The following ROBO1 variants were observed in gnomAD, a reference collection of about 807,000 sequenced individuals.
ROBO1 encodes the protein roundabout guidance receptor 1.
Under a neutral mutation model 195.9 loss-of-function variants are expected in ROBO1, and 149 were observed. The ratio of observed to expected loss-of-function variants is 0.76; its 90% CI spans 0.67 to 0.87. The LOEUF is 0.87. Ranked by LOEUF, ROBO1 falls within the 40% of genes least tolerant of loss-of-function variation. The pLI is 0.00. For missense variants in ROBO1, 1,933 were observed against 2,068.3 expected (o/e 0.93, Z 1.27); for synonymous variants, 816 against 733.2 (o/e 1.11, Z -1.82).
intron 2 of ROBO1, among the ~76,000 whole-genome samples, chr3:79,268,557 T>C (rs1006986994): frequency 2.5e-4 from 38 of 151,612 alleles, no homozygotes; most frequent in Non-Finnish European, 5.9e-5. Flanking sequence ...GTTTCAAATT[T>C]ACGGTTTTAT....
intron 3 of ROBO1, among the ~76,000 whole-genome samples, chr3:79,046,336 G>A (rs538266256): frequency 2.6e-5 from 4 of 152,082 alleles, no homozygotes; most frequent in Admixed American, 6.6e-5. Context: ...CAAGTCTTAA[G>A]ATGACTTCAG....
chr3:79,446,138 A>G (rs1239274055), intron 2 of ROBO1, among the ~76,000 whole-genome samples: 1 of 152,166 alleles, frequency 6.6e-6, no homozygotes, highest in South Asian at 2.1e-4. Flanking sequence ...CTTTTCCCCT[A>G]TTACAACAAG....
At chr3:79,226,556 T>G (rs1234347303) in intron 2 of ROBO1, among the ~76,000 whole-genome samples, 5 of 151,520 alleles carry the variant, frequency 3.3e-5, no homozygotes, top group African/African-American at 1.2e-4. Context: ...TTTTTTTTTT[T>G]TTAAGACAGA....
chr3:79,692,262 T>C (rs1435347776), intron 1 of ROBO1, among the ~76,000 whole-genome samples: 1 of 151,852 alleles, frequency 6.6e-6, no homozygotes, highest in Non-Finnish European at 1.5e-5. Context: ...AAGTATAGAT[T>C]ATAATGTAAC....
At chr3:78,872,919 T>C (rs1429109797) in intron 4 of ROBO1, among the ~76,000 whole-genome samples, 1 of 152,160 alleles carries the variant, frequency 6.6e-6, no homozygotes, top group Non-Finnish European at 1.5e-5. Context: ...TTCAAAAGAA[T>C]AGGTCTTTGT....
At chr3:78,640,054 C>A (rs1259319013) in intron 21 of ROBO1, among the ~76,000 whole-genome samples, 156 bp from the exon 22 acceptor site, 1 of 152,090 alleles carries the variant, frequency 6.6e-6, no homozygotes, top group Non-Finnish European at 1.5e-5. Context: ...TACACACAGG[C>A]AACTGTAATA....
At chr3:78,870,324 G>T (rs564583962) in intron 4 of ROBO1, among the ~76,000 whole-genome samples, 9 of 152,262 alleles carry the variant, frequency 5.9e-5, no homozygotes, top group African/African-American at 2.2e-4. Context: ...ATTAGGGTTT[G>T]TTCTGATACT....
chr3:78,965,338 A>G (rs1193065621), intron 3 of ROBO1, among the ~76,000 whole-genome samples: 7 of 152,160 alleles, frequency 4.6e-5, no homozygotes, highest in Non-Finnish European at 8.8e-5. Context: ...TTTTGATGAT[A>G]CACAGCATCC....
At chr3:78,660,404 T>C (rs1575863036) in intron 16 of ROBO1, 1 of 152,622 alleles carries the variant, frequency 6.6e-6, no homozygotes, top group Non-Finnish European at 1.5e-5. Flanking sequence ...AGTCTCATGT[T>C]CTCCCCCGAA....
intron 4 of ROBO1, among the ~76,000 whole-genome samples, chr3:78,865,714 T>C (rs927300040): frequency 7.9e-5 from 12 of 152,060 alleles, no homozygotes; most frequent in Admixed American, 1.3e-4. Flanking sequence ...CTCGTGATCC[T>C]CCTGCCTTGG....
chr3:79,235,444 T>C (rs558907699), intron 2 of ROBO1, among the ~76,000 whole-genome samples: 150 of 152,198 alleles, frequency 9.9e-4, no homozygotes, highest in African/African-American at 2.7e-3. Context: ...TTGCTAAGAA[T>C]AGCTCTCAGC....
chr3:78,849,887 C>T lies in ROBO1; in HGVS notation c.499+88714G>A, dbSNP rs762981338. 2.0e-5 allele frequency among the ~76,000 whole-genome samples: 3 copies of T among 150,078 alleles called. No homozygotes were observed. The East Asian group carries it at 5.8e-4, about 29-fold the overall frequency. On this transcript the variant is annotated intron_variant, in intron 4 of 30. Coordinates refer to ENST00000464233, the MANE Select transcript of ROBO1 (RefSeq NM_002941.4). The stretch of plus-strand genomic sequence containing the variant: ...ACACACACACTCTTATAGTCATGCA[C>T]TGCATAACAATGTTTTAGTCAATGA...
intron 2 of ROBO1, among the ~76,000 whole-genome samples, chr3:79,126,089 C>T (rs2080210749): frequency 1.3e-5 from 2 of 152,008 alleles, no homozygotes; most frequent in South Asian, 4.2e-4. Flanking sequence ...CTGAGAAACA[C>T]GGAAGAAAAC....
At position 79,037,387 on chromosome 3, in the gene ROBO1, C is replaced by A. The variant is rs116706600; in HGVS notation, c.172+88069G>T. ...TCTGAACCATTACTCCTTATAAATG[C>A]AACTGACATCTAGTGAAACACCATC... On this transcript the variant is annotated intron_variant, in intron 3 of 30. Transcript: ENST00000464233. 2.2e-3 allele frequency among the ~76,000 whole-genome samples: 330 copies of A among 152,188 alleles called. 1 individual carries two copies. The highest frequency in any genetic ancestry group is 7.8e-3 in the African/African-American group (324 of 41,538).
At chr3:79,176,604 A>G (rs2124390) in intron 2 of ROBO1, among the ~76,000 whole-genome samples, 13,396 of 151,986 alleles carry the variant, frequency 0.088, 1,018 homozygotes, top group African/African-American at 0.2. Flanking sequence ...ACTACAGGCA[A>G]GTGCCATTAC....
At chr3:79,275,745 CA>C (rs1294218264) in intron 2 of ROBO1, among the ~76,000 whole-genome samples, 1 of 151,632 alleles carries the variant, frequency 6.6e-6, no homozygotes, top group Non-Finnish European at 1.5e-5. Context: ...AAGACTTCAC[CA>C]AAAAACTATT....
chr3:79,087,526 T>C (rs2079394536), intron 3 of ROBO1, among the ~76,000 whole-genome samples: 1 of 151,782 alleles, frequency 6.6e-6, no homozygotes, highest in African/African-American at 2.4e-5. Flanking sequence ...TTCCTTCCTT[T>C]CCTTCCTTCC....
chr3:79,008,599 AT>A (rs568148350), intron 3 of ROBO1, among the ~76,000 whole-genome samples: 43 of 148,302 alleles, frequency 2.9e-4, no homozygotes, highest in South Asian at 6.4e-4. Context: ...GTATACGTGC[AT>A]TTTTTTTTTG....
chr3:79,392,888 GA>G (rs562755940), intron 2 of ROBO1, among the ~76,000 whole-genome samples: 6 of 152,194 alleles, frequency 3.9e-5, no homozygotes, highest in Non-Finnish European at 5.9e-5. Context: ...GAGATTTCAA[GA>G]AATTAAATGA....
Sources: gnomAD v4.1 joint callset for allele counts (sites outside exome capture counted in the v4.1 genomes callset) on GRCh38, gnomAD v4.1.1 for gene constraint, MANE v1.5 for transcripts, NCBI Gene and HGNC (gene_info 2026-07-23, HGNC 2026-07-21) for gene names.